BIRC6: variants seen among roughly 807,000 people sequenced by gnomAD.
The protein encoded by BIRC6 is baculoviral IAP repeat containing 6.
A neutral mutation model predicts 503.3 loss-of-function variants in BIRC6; 98 were observed. The observed-to-expected ratio is 0.19, with a 90% confidence interval of 0.17 to 0.23. BIRC6 has a LOEUF of 0.23. BIRC6 is among the 10% of genes least tolerant of loss of function. The pLI, the probability that BIRC6 is intolerant of heterozygous loss-of-function variation, is 1.00. For synonymous variants in BIRC6, 2,240 were observed against 2,078.7 expected (o/e 1.08, Z -2.11); for missense variants, 5,360 against 5,806.0 (o/e 0.92, Z 2.50).
intron 65 of BIRC6, among the ~76,000 whole-genome samples, chr2:32,569,180 G>A (rs1248837929): frequency 2.0e-5 from 3 of 151,756 alleles, no homozygotes; most frequent in Non-Finnish European, 4.4e-5. Context: ...GTAGAGATGG[G>A]GTTTCGCCGT....
chr2:32,611,005 G>A (rs765680956), intron 72 of BIRC6, among the ~76,000 whole-genome samples: 6 of 152,204 alleles, frequency 3.9e-5, no homozygotes, highest in African/African-American at 1.2e-4. Context: ...GATTACAGGC[G>A]TGAGCCACCA....
At position 32,508,034 on chromosome 2, in the gene BIRC6, C is replaced by T; in HGVS notation, c.9755C>T (p.Pro3252Leu). The T allele has an allele frequency of 6.2e-7, 1 of 1,613,828 alleles. No individual in the cohort carries two copies. The highest frequency in any genetic ancestry group is 8.5e-7 in the Non-Finnish European group (1 of 1,179,856). Residue 3252 changes from proline to leucine, a missense_variant, in exon 51 of 74, where the codon CCT becomes CTT. Transcript: ENST00000421745. ...EVSADGVNML[P>L]LSTPVVTSGL... ...AGTGCAGATGGGGTAAATATGCTAC[C>T]TTTGTCCACTCCTGTTGTCACAAGT...
At chr2:32,498,455 G>C (rs1289653746) in intron 45 of BIRC6, among the ~76,000 whole-genome samples, 1 of 152,164 alleles carries the variant, frequency 6.6e-6, no homozygotes, top group Non-Finnish European at 1.5e-5. Context: ...TATAATGTCA[G>C]AACTTAACAG....
At chr2:32,570,224 T>G (rs1457104988) in intron 65 of BIRC6, among the ~76,000 whole-genome samples, 1 of 152,240 alleles carries the variant, frequency 6.6e-6, no homozygotes, top group East Asian at 1.9e-4. Flanking sequence ...GATTTGTGTG[T>G]GTTGAACCAT....
rs138666943 is a variant in BIRC6 at position 32,415,954 on chromosome 2, G to A, written c.2663G>A (p.Gly888Asp). 69 of 1,613,654 alleles carry A rather than the reference G, an allele frequency of 4.3e-5. No homozygotes were observed. The highest frequency in any genetic ancestry group is 5.4e-5 in the Non-Finnish European group (64 of 1,179,776). ...GACATGCAGTTAACCTCAAAGAATG[G>A]TTTTGAGAGAGAAAAAACGTCTGAC... Reference protein sequence around the residue: ...IEDMQLTSKNGFEREKTSDIS... With the variant: ...IEDMQLTSKNDFEREKTSDIS... The change falls in exon 10 of 74, where the codon GGT becomes GAT. Residue 888 changes from glycine (G) to aspartate (D), a missense_variant. Transcript: ENST00000421745.
At chr2:32,548,315 CT>C (rs112188615) in intron 64 of BIRC6, among the ~76,000 whole-genome samples, 55,050 of 118,426 alleles carry the variant, frequency 0.46, 12,106 homozygotes, top group African/African-American at 0.57. Flanking sequence ...TGTATCTGGC[CT>C]TTTTTTTTTT....
At chr2:32,436,671 C>T (rs1484462273) in intron 15 of BIRC6, among the ~76,000 whole-genome samples, 1 of 152,032 alleles carries the variant, frequency 6.6e-6, no homozygotes, top group East Asian at 1.9e-4. Flanking sequence ...CCTCCGCCTC[C>T]TAGGTTCAAG....
At position 32,441,508 on chromosome 2, in the gene BIRC6, C is replaced by T. The variant is rs139065779; in HGVS notation, c.3944+46C>T. 22 of 1,544,796 alleles carry T rather than the reference C, an allele frequency of 1.4e-5. No homozygotes were observed. In the East Asian group the frequency reaches 4.8e-4, roughly 33 times the overall value. Reference sequence around the variant, plus strand: ...TGTTATTCTTACAGTAATGAAAGTGCAGAGCATAACACCACACACATACAC... The same window carrying T: ...TGTTATTCTTACAGTAATGAAAGTGTAGAGCATAACACCACACACATACAC... On this transcript the variant is annotated intron_variant, in intron 17 of 73. Transcript: ENST00000421745.
chr2:32,528,822 A>G (rs1302718556), intron 59 of BIRC6: 1 of 152,122 alleles, frequency 6.6e-6, no homozygotes, highest in Non-Finnish European at 1.5e-5. Context: ...ACGGTATAAA[A>G]TTACCTTAAG....
intron 23 of BIRC6, among the ~76,000 whole-genome samples, chr2:32,458,164 C>T (rs1279198675): frequency 6.6e-6 from 1 of 152,052 alleles, no homozygotes; most frequent in Non-Finnish European, 1.5e-5. Context: ...CTTATTATTG[C>T]TTTTTAAAGG....
Position 32,595,156 on chromosome 2 carries a change from T to G in BIRC6, c.13612+12T>G. On this transcript the variant is annotated intron_variant, in intron 68 of 73. Transcript: ENST00000421745. ...GAAATTACAGTTTGGTAAGATGAAA[T>G]TTTTGATTTGCTTAAGATCTCACTT... 1 of 1,515,334 alleles carries G rather than the reference T, an allele frequency of 6.6e-7. No individual in the cohort carries two copies. Among genetic ancestry groups the G allele is most frequent in the Non-Finnish European group, 9.0e-7 (1 of 1,114,002 alleles). 93.9% of individuals were successfully genotyped at this position (1,515,334 alleles called of 1,614,324 possible).
intron 8 of BIRC6, among the ~76,000 whole-genome samples, chr2:32,405,534 C>T (rs1408466583): frequency 3.3e-5 from 5 of 152,010 alleles, no homozygotes; most frequent in Non-Finnish European, 7.4e-5. Flanking sequence ...AGGCCAGGTG[C>T]GGTGGCTTAT....
Position 32,463,217 on chromosome 2 carries a change from G to T in BIRC6, c.4777G>T (p.Ala1593Ser), listed in dbSNP as rs895486242. Residue 1593 changes from alanine to serine, a missense_variant, in exon 24 of 74, where the codon GCA becomes TCA. Around this residue, in one of 16 missense-constraint regions of BIRC6, gnomAD observed 2,299 missense variants for 2,267.2 expected, o/e 1.01. Coordinates refer to ENST00000421745, the MANE Select transcript of BIRC6 (RefSeq NM_016252.4). ...DAMSSFGVTP[A>S]VGGLSSGTVG... Reference sequence around the variant, plus strand: ...AGTGAGTTCCTTCGGGGTTACTCCTGCAGTAGGTGGACTATCATCTGGGAC... The same window carrying T: ...AGTGAGTTCCTTCGGGGTTACTCCTTCAGTAGGTGGACTATCATCTGGGAC... 1 of 1,612,830 alleles carries T rather than the reference G, an allele frequency of 6.2e-7. No homozygotes were observed. The highest frequency in any genetic ancestry group is 8.5e-7 in the Non-Finnish European group (1 of 1,179,418).
intron 1 of BIRC6, among the ~76,000 whole-genome samples, chr2:32,358,160 C>T (rs1226817965): frequency 6.6e-6 from 1 of 152,134 alleles, no homozygotes; most frequent in African/African-American, 2.4e-5. Context: ...GACCTGGTCC[C>T]CTTGCTCGGG....
chr2:32,582,032 T>C (rs545386786), intron 66 of BIRC6, among the ~76,000 whole-genome samples: 1 of 152,078 alleles, frequency 6.6e-6, no homozygotes, highest in African/African-American at 2.4e-5. Context: ...CTAATTTTTG[T>C]ATTTTTAGTA....
intron 49 of BIRC6, among the ~76,000 whole-genome samples, chr2:32,504,511 CA>C (rs756597203): frequency 1.5e-3 from 232 of 151,726 alleles, no homozygotes; most frequent in Non-Finnish European, 2.8e-3. Flanking sequence ...ACTAAAAATA[CA>C]AAAAATTAGC....
rs868680443 is a variant in BIRC6, at chr2:32,435,494, A to G, written c.3410-2A>G. On this transcript the variant is annotated splice_acceptor_variant, in intron 13 of 73. Transcript: ENST00000421745. LOFTEE classifies it high-confidence loss of function. ...GGCAGATCACCTTTCCTTTGTCTCCAGCTCTTAACATTGAAGTGGAACAAA... is the reference window on the plus strand; with the variant it reads ...GGCAGATCACCTTTCCTTTGTCTCCGGCTCTTAACATTGAAGTGGAACAAA... The G allele has an allele frequency of 6.4e-7, 1 of 1,550,996 alleles. No homozygotes were observed. The highest frequency in any genetic ancestry group is 8.7e-7 in the Non-Finnish European group (1 of 1,146,926).
intron 61 of BIRC6, among the ~76,000 whole-genome samples, chr2:32,534,167 A>G (rs1244224741): frequency 2.0e-5 from 3 of 152,014 alleles, no homozygotes; most frequent in East Asian, 3.9e-4. Flanking sequence ...TGAGGTCAGC[A>G]GTTCGAGATC....
At chr2:32,475,313 C>T (rs180793973) in intron 33 of BIRC6, among the ~76,000 whole-genome samples, 72 of 152,158 alleles carry the variant, frequency 4.7e-4, no homozygotes, top group Admixed American at 1.9e-3. Context: ...TTTCTGTGTA[C>T]ATGCTGTATG....
Sources: allele counts gnomAD v4.1 joint callset (sites outside exome capture counted in the v4.1 genomes callset), GRCh38; gene constraint gnomAD v4.1.1; regional missense constraint gnomAD v4.1.1; transcripts MANE v1.5; gene names NCBI Gene and HGNC (gene_info 2026-07-23, HGNC 2026-07-21).